The following CRYL1 variants were observed in gnomAD, a reference collection of about 807,000 sequenced individuals.
CRYL1 encodes lambda-crystallin homolog.
In CRYL1, 29 loss-of-function variants were observed where a neutral mutation model predicts 36.6. The ratio of observed to expected loss-of-function variants is 0.79; its 90% CI spans 0.59 to 1.08. The LOEUF is 1.08. CRYL1 is among the 50% of genes least tolerant of loss of function. The pLI, the probability that CRYL1 is intolerant of heterozygous loss-of-function variation, is 0.00. For synonymous variants in CRYL1, 152 were observed against 151.5 expected (o/e 1.00, Z -0.02); for missense variants, 411 against 407.9 (o/e 1.01, Z -0.06).
intron 5 of CRYL1, among the ~76,000 whole-genome samples, chr13:20,419,302 T>C (rs752370563): frequency 4.6e-5 from 7 of 152,090 alleles, no homozygotes; most frequent in Admixed American, 1.3e-4. Context: ...TTATTATTAT[T>C]ATTATTTTGA....
chr13:20,511,729 T>C (rs2033920914), intron 2 of CRYL1, among the ~76,000 whole-genome samples: 1 of 152,212 alleles, frequency 6.6e-6, no homozygotes, highest in African/African-American at 2.4e-5. Flanking sequence ...GGACGCGCCA[T>C]GCGGTGAGGG....
rs778635390 is a variant in CRYL1 at position 20,435,684 on chromosome 13, G to T, written c.439-3388C>A. The stretch of plus-strand genomic sequence containing the variant: ...CCCGAAAGGGTTCGACAGATACAAC[G>T]GCAGCGCAGCGCAGGGGCCTGGGCC... On this transcript the variant is annotated intron_variant, in intron 4 of 7. Transcript: ENST00000298248. This position sits in a 1 kb window ranked among gnomAD's most constrained non-coding sequence, Gnocchi z 4.0. Among the ~76,000 whole-genome samples the T allele has an allele frequency of 1.3e-5, 2 of 152,142 alleles. No homozygotes were observed. The highest frequency in any genetic ancestry group is 4.8e-5 in the African/African-American group (2 of 41,430).
intron 3 of CRYL1, among the ~76,000 whole-genome samples, chr13:20,447,346 TA>T (rs896608230): frequency 2.6e-5 from 4 of 152,138 alleles, no homozygotes; most frequent in Non-Finnish European, 5.9e-5. Flanking sequence ...AAACTCATAG[TA>T]TTTGGGGAAA....
In CRYL1 at chr13:20,482,739, CTGTG is replaced by C. The variant is rs148128861; in HGVS notation, c.276+6627_276+6630del. On this transcript the variant is annotated intron_variant, in intron 3 of 7. Transcript: ENST00000298248. ...TAGTTGAAGCATTGTGGCAAGCAGT[CTGTG>C]TGTGTGTGTGTGTGCGCGCGTGTGT... Among the ~76,000 whole-genome samples the C allele has an allele frequency of 9.2e-4, 139 of 150,906 alleles. 1 individual carries two copies. The highest frequency in any genetic ancestry group is 3.0e-3 in the African/African-American group (123 of 41,284).
intron 4 of CRYL1, among the ~76,000 whole-genome samples, chr13:20,434,155 G>T (rs1395416838): frequency 2.6e-5 from 4 of 152,146 alleles, no homozygotes; most frequent in African/African-American, 9.7e-5. Context: ...TCAGTACCAG[G>T]AGAAATGTTC....
At chr13:20,404,777 GA>G (rs746272882) in intron 6 of CRYL1, 36 bp from the exon 7 acceptor site, 4 of 1,386,292 alleles carry the variant, frequency 2.9e-6, no homozygotes, top group African/African-American at 2.9e-5. Flanking sequence ...CACAATCTCA[GA>G]AAAAAACATT....
At chr13:20,433,728 G>T (rs1245280308) in intron 4 of CRYL1, 1 of 154,376 alleles carries the variant, frequency 6.5e-6, no homozygotes, top group Non-Finnish European at 1.5e-5. Flanking sequence ...TATAAAGCAG[G>T]CATGCTGGGA....
chr13:20,467,745 C>T (rs918274978), intron 3 of CRYL1, among the ~76,000 whole-genome samples: 11 of 152,224 alleles, frequency 7.2e-5, no homozygotes, highest in African/African-American at 2.2e-4. Context: ...CGCTTGAACC[C>T]GGGAGGCAGA....
At chr13:20,473,262 G>C (rs912717542) in intron 3 of CRYL1, among the ~76,000 whole-genome samples, 4 of 152,228 alleles carry the variant, frequency 2.6e-5, no homozygotes, top group African/African-American at 9.6e-5. Flanking sequence ...GAGACCCGCA[G>C]TCCCACTGTG....
chr13:20,434,345 G>T (rs141872256), intron 4 of CRYL1, among the ~76,000 whole-genome samples: 2,795 of 151,998 alleles, frequency 0.018, 233 homozygotes, highest in Admixed American at 0.15. Context: ...TCAGCACTCT[G>T]TAAAACGCAC....
intron 5 of CRYL1, chr13:20,430,337 T>C: frequency 1.0e-6 from 1 of 985,406 alleles, no homozygotes; most frequent in Non-Finnish European, 1.2e-6. Context: ...TTACAGGGAC[T>C]CCAGGCATCT....
intron 3 of CRYL1, among the ~76,000 whole-genome samples, chr13:20,468,222 G>A (rs886845080): frequency 2.8e-4 from 43 of 152,098 alleles, no homozygotes; most frequent in Admixed American, 2.5e-3. Flanking sequence ...TTTTTAAGGC[G>A]TTAAACATGC....
At chr13:20,509,642 A>G (rs1263522684) in intron 2 of CRYL1, among the ~76,000 whole-genome samples, 1 of 152,180 alleles carries the variant, frequency 6.6e-6, no homozygotes, top group Admixed American at 6.5e-5. Context: ...AGGAGATGCC[A>G]TTAGGCCAGG....
intron 3 of CRYL1, among the ~76,000 whole-genome samples, chr13:20,450,781 A>G (rs573353962): frequency 6.6e-6 from 1 of 152,314 alleles, no homozygotes; most frequent in East Asian, 1.9e-4. Flanking sequence ...TTGTGGCACT[A>G]TTCACAATAG....
chr13:20,489,425 A>T lies in CRYL1; in HGVS notation c.221T>A (p.Leu74His). 6.2e-7 allele frequency: 1 copy of T among 1,613,686 alleles called. No homozygotes were observed. Reference protein sequence around the residue: ...GSLSVEEQLSLISGCPNIQEA... With the variant: ...GSLSVEEQLSHISGCPNIQEA... The stretch of plus-strand genomic sequence containing the variant: ...TTGGATATTGGGACAACCACTGATG[A>T]GTGACAGCTGCTCTTCCACACTCAG... The change falls in exon 3 of 8, where the codon CTC (leucine) becomes CAC (histidine). Residue 74 changes from leucine to histidine, a missense_variant. Leu to His is a moderately conservative substitution (Grantham distance 99, BLOSUM62 -3). Coordinates refer to ENST00000298248, the MANE Select transcript of CRYL1 (RefSeq NM_015974.3).
chr13:20,523,962 T>C (rs1250707995), intron 1 of CRYL1, among the ~76,000 whole-genome samples: 3 of 152,152 alleles, frequency 2.0e-5, no homozygotes, highest in Non-Finnish European at 4.4e-5. Context: ...CTCCAAGGCA[T>C]GATGGACCTA....
Position 20,435,930 on chromosome 13 carries a change from C to G in CRYL1, c.439-3634G>C, listed in dbSNP as rs962929484. 6.6e-6 allele frequency among the ~76,000 whole-genome samples: 1 copy of G among 152,186 alleles called. No homozygotes were observed. The highest frequency in any genetic ancestry group is 6.5e-5 in the Admixed American group (1 of 15,290). The stretch of plus-strand genomic sequence containing the variant: ...TTCGATGCTTCATGGGTAGCCCATC[C>G]TCTCGGCGGCGCGCTCGCAGGGAGG... On this transcript the variant is annotated intron_variant, in intron 4 of 7. Coordinates refer to ENST00000298248, the MANE Select transcript of CRYL1 (RefSeq NM_015974.3). The surrounding 1 kb of genome is among the most constrained non-coding windows in gnomAD (Gnocchi z 4.0).
At chr13:20,475,296 G>A (rs889614901) in intron 3 of CRYL1, among the ~76,000 whole-genome samples, 2 of 152,170 alleles carry the variant, frequency 1.3e-5, no homozygotes, top group African/African-American at 4.8e-5. Flanking sequence ...GAGTCCAAGC[G>A]ACCTGGCCCA....
rs982741936 is a variant in CRYL1 at position 20,425,998 on chromosome 13, C to T, written c.633+6104G>A. The stretch of plus-strand genomic sequence containing the variant: ...TGCTTCTGCCCACACAGGCTCATGA[C>T]TCCTAAAGGGAAAACCTCCTAAAAG... On this transcript the variant is annotated intron_variant, in intron 5 of 7. Coordinates refer to ENST00000298248, the MANE Select transcript of CRYL1 (RefSeq NM_015974.3). This position sits in a 1 kb window ranked among gnomAD's most constrained non-coding sequence, Gnocchi z 4.4. Among the ~76,000 whole-genome samples, 1 of 152,108 alleles carries T rather than the reference C, an allele frequency of 6.6e-6. No individual in the cohort carries two copies. The highest frequency in any genetic ancestry group is 2.4e-5 in the African/African-American group (1 of 41,418).
Sources: allele counts gnomAD v4.1 joint callset (sites outside exome capture counted in the v4.1 genomes callset), GRCh38; gene constraint gnomAD v4.1.1; non-coding constraint Gnocchi (gnomAD v3.1); transcripts MANE v1.5; gene names NCBI Gene and HGNC (gene_info 2026-07-23, HGNC 2026-07-21).